Variants in CATSPERG observed in about 807,000 individuals in gnomAD.
The protein encoded by CATSPERG is cation channel sperm-associated auxiliary subunit gamma.
A neutral mutation model predicts 145.0 loss-of-function variants in CATSPERG; 115 were observed. The ratio of observed to expected loss-of-function variants is 0.79; its 90% confidence interval spans 0.68 to 0.93. The LOEUF (loss-of-function observed/expected upper bound fraction) is 0.93. Ranked by LOEUF, CATSPERG falls within the 40% of genes least tolerant of loss-of-function variation. The pLI is 0.00. For synonymous variants in CATSPERG, 588 were observed against 589.0 expected (o/e 1.00, Z 0.02); for missense variants, 1,296 against 1,490.1 (o/e 0.87, Z 2.14).
intron 8 of CATSPERG, among the ~76,000 whole-genome samples, chr19:38,354,352 C>T (rs1032405490): frequency 1.3e-5 from 2 of 152,224 alleles, no homozygotes; most frequent in African/African-American, 2.4e-5. Context: ...CAGGCCTCTA[C>T]GCAGCAACTG....
chr19:38,337,043 A>G (rs1969851546), intron 1 of CATSPERG, 178 bp from the exon 2 acceptor site: 3 of 712,878 alleles, frequency 4.2e-6, no homozygotes, highest in Non-Finnish European at 4.5e-6. Flanking sequence ...GTGCGGGGGC[A>G]GGGCCAGGAG....
In CATSPERG at chr19:38,356,441, AGGAG is replaced by A. The variant is rs1225152874; in HGVS notation, c.1136-38_1136-35del. 3 of 1,599,986 alleles carry A rather than the reference AGGAG, an allele frequency of 1.9e-6. No individual in the cohort carries two copies. The South Asian group carries it at 3.3e-5, about 18-fold the overall frequency. ...GAGTTGGCTTGATGGGCTGCCAGAC[AGGAG>A]GGAGAGGGCCTGAACATGAACCCGA... On this transcript the variant is annotated intron_variant, in intron 9 of 28. Coordinates refer to ENST00000409235, the MANE Select transcript of CATSPERG (RefSeq NM_021185.5).
rs995308919 is a variant in CATSPERG at position 38,367,184 on chromosome 19, G to A, written c.2642G>A (p.Gly881Asp). The A allele has an allele frequency of 6.2e-7, 1 of 1,613,492 alleles. No individual in the cohort carries two copies. Among genetic ancestry groups the A allele is most frequent in the South Asian group, 1.1e-5 (1 of 91,024 alleles). ...QGNLMVPVFI[G>D]CPPGKRLAFD... is the part of the protein sequence containing the mutation. The stretch of plus-strand genomic sequence containing the variant: ...AACCTGATGGTGCCAGTGTTCATTG[G>A]CTGCCCCCCAGGCAAGCGCCTGGCC... The change falls in exon 23 of 29, where the codon GGC becomes GAC. Residue 881 changes from glycine (G) to aspartate (D), a missense_variant. Transcript: ENST00000409235.
In CATSPERG at chr19:38,362,510, T is replaced by C; in HGVS notation, c.2292T>C (p.Thr764=). The change falls in exon 19 of 29, where the codon ACT becomes ACC. Residue 764 remains threonine (T), a synonymous_variant. Coordinates refer to ENST00000409235, the MANE Select transcript of CATSPERG (RefSeq NM_021185.5). Reference sequence around the variant, plus strand: ...AGCGCATTTTCCTGGACAAGGGCACTGAGTACAGCTTCGCCATCTTCCTGT... The same window carrying C: ...AGCGCATTTTCCTGGACAAGGGCACCGAGTACAGCTTCGCCATCTTCCTGT... ...LPERIFLDKG[T]EYSFAIFLSA... is the part of the protein sequence containing the mutation. 1 of 1,613,940 alleles carries C rather than the reference T, an allele frequency of 6.2e-7. No individual in the cohort carries two copies. Among genetic ancestry groups the C allele is most frequent in the Non-Finnish European group, 8.5e-7 (1 of 1,180,046 alleles).
chr19:38,343,192 A>G (rs1270129490), intron 3 of CATSPERG, among the ~76,000 whole-genome samples: 1 of 151,996 alleles, frequency 6.6e-6, no homozygotes, highest in East Asian at 1.9e-4. Context: ...TGGAACTGGG[A>G]ATCCCTGGAG....
intron 6 of CATSPERG, among the ~76,000 whole-genome samples, chr19:38,345,316 GC>G (rs1432649748): frequency 6.6e-6 from 1 of 151,910 alleles, no homozygotes; most frequent in African/African-American, 2.4e-5. Flanking sequence ...AGGCTGGAGT[GC>G]AGGGGAACGA....
chr19:38,361,387 T>A (rs1358745351), intron 16 of CATSPERG, among the ~76,000 whole-genome samples: 2 of 151,150 alleles, frequency 1.3e-5, no homozygotes, highest in African/African-American at 4.9e-5. Flanking sequence ...AAGCAGGAGA[T>A]GGAATAAAGA....
rs762550783 is a variant in CATSPERG at position 38,370,790 on chromosome 19, T to C, written c.3478T>C (p.Ter1160ArgextTer16). ...AGCCGTGGAGAGACAGTTGATGACC[T>C]GAGTGTCCCACCTGCCCCAGCCCCC... ...KEAVERQLMT* is the reference protein window; with the variant it reads ...KEAVERQLMTR Residue 1160 changes from the stop codon to arginine (R), a stop_lost, in exon 29 of 29, where the codon TGA becomes CGA. Transcript: ENST00000409235. 21 of 1,612,250 alleles carry C rather than the reference T, an allele frequency of 1.3e-5. No individual in the cohort carries two copies. Among genetic ancestry groups the C allele is most frequent in the Non-Finnish European group, 1.8e-5 (21 of 1,178,568 alleles).
chr19:38,367,765 C>T lies in CATSPERG; in HGVS notation c.2919C>T (p.Ser973=), dbSNP rs756433062. 1.2e-6 allele frequency: 2 copies of T among 1,613,744 alleles called. No homozygotes were observed. The highest frequency in any genetic ancestry group is 1.7e-5 in the Admixed American group (1 of 60,026). Residue 973 remains serine (S), a synonymous_variant, in exon 25 of 29, where the codon AGC becomes AGT. Coordinates refer to ENST00000409235, the MANE Select transcript of CATSPERG (RefSeq NM_021185.5). ...AGGACGAAATCTACCGCTTCAACAG[C>T]CCCCTGGACAAGTAATCCCCGTGGG... The part of the protein sequence containing the change: ...YSEDEIYRFN[S]PLDKTNSLIW...
At chr19:38,358,238 A>G in intron 11 of CATSPERG, 40 bp from the exon 12 acceptor site, 1 of 1,607,122 alleles carries the variant, frequency 6.2e-7, no homozygotes, top group Non-Finnish European at 8.5e-7. Context: ...TTGAAAGTGC[A>G]GGGCCTCAGG....
intron 11 of CATSPERG, chr19:38,357,952 GA>G (rs796672861): frequency 0.037 from 8,033 of 217,406 alleles, no homozygotes; most frequent in South Asian, 0.064. Context: ...ACTCCATCTC[GA>G]AAAAAAAAAA....
chr19:38,363,781 G>A (rs1970395862), intron 20 of CATSPERG, among the ~76,000 whole-genome samples: 1 of 152,092 alleles, frequency 6.6e-6, no homozygotes, highest in South Asian at 2.1e-4. Context: ...AGGGTTGGGG[G>A]TAAGGTCACA....
Position 38,362,256 on chromosome 19 carries a change from A to G in CATSPERG, c.2141A>G (p.Asn714Ser). ...VHDPTWRWWA[N>S]NKQDQDYYFF... ...GACCCCACCTGGCGCTGGTGGGCGA[A>G]CAACAAACAAGACCAGGTAGGCGGA... Residue 714 changes from asparagine (N) to serine (S), a missense_variant, in exon 18 of 29, where the codon AAC (asparagine) becomes AGC (serine). Physicochemically the swap from Asn to Ser is conservative, Grantham distance 46 (BLOSUM62 1). Coordinates refer to ENST00000409235, the MANE Select transcript of CATSPERG (RefSeq NM_021185.5). The G allele has an allele frequency of 6.2e-7, 1 of 1,612,952 alleles. No individual in the cohort carries two copies. The highest frequency in any genetic ancestry group is 8.5e-7 in the Non-Finnish European group (1 of 1,179,486).
chr19:38,367,587 A>T lies in CATSPERG; in HGVS notation c.2834+15A>T. On this transcript the variant is annotated intron_variant, in intron 24 of 28. Transcript: ENST00000409235. Reference sequence around the variant, plus strand: ...TTCCAGGGCAGGTAAAGGCGTGGCCAGCTTGCAGCTAGGGCAGGTGGAGGG... The same window carrying T: ...TTCCAGGGCAGGTAAAGGCGTGGCCTGCTTGCAGCTAGGGCAGGTGGAGGG... 6.2e-7 allele frequency: 1 copy of T among 1,613,930 alleles called. No individual in the cohort carries two copies. The highest frequency in any genetic ancestry group is 8.5e-7 in the Non-Finnish European group (1 of 1,179,836).
intron 20 of CATSPERG, among the ~76,000 whole-genome samples, chr19:38,363,736 C>T (rs550341582): frequency 1.3e-5 from 2 of 152,158 alleles, no homozygotes; most frequent in Admixed American, 1.3e-4. Context: ...ATCCATTTAA[C>T]CCTGAGTGGA....
intron 28 of CATSPERG, 131 bp downstream of exon 28, chr19:38,370,389 G>A (rs1344008374): frequency 2.1e-6 from 3 of 1,401,726 alleles, no homozygotes; most frequent in Non-Finnish European, 3.0e-6. Context: ...CGCCTGCCAT[G>A]CCACAGGCTG....
rs1476405787 is a variant in CATSPERG at position 38,367,052 on chromosome 19, G to A, written c.2614-104G>A. The stretch of plus-strand genomic sequence containing the variant: ...GGGGTGAGGGAGAGCCAGGCAGCTG[G>A]TGGTGGTGTTTGTGGGAGGGGGACT... On this transcript the variant is annotated intron_variant, in intron 22 of 28. Transcript: ENST00000409235. 12 of 1,051,010 alleles carry A rather than the reference G, an allele frequency of 1.1e-5. No homozygotes were observed. The South Asian group carries it at 1.8e-4, about 16-fold the overall frequency. 65.1% of individuals were successfully genotyped at this position (1,051,010 alleles called of 1,614,324 possible).
intron 3 of CATSPERG, among the ~76,000 whole-genome samples, chr19:38,338,888 A>G (rs1254506812): frequency 6.6e-6 from 1 of 151,984 alleles, no homozygotes; most frequent in Non-Finnish European, 1.5e-5. Flanking sequence ...TAATTAATTA[A>G]TTAATTTTTG....
At chr19:38,356,689 G>A in intron 10 of CATSPERG, 53 bp from the exon 11 acceptor site, 3 of 1,609,190 alleles carry the variant, frequency 1.9e-6, no homozygotes, top group Non-Finnish European at 2.5e-6. Flanking sequence ...GCTGGCACAG[G>A]ACCAAGGCTA....
Sources: allele counts gnomAD v4.1 joint callset (sites outside exome capture counted in the v4.1 genomes callset), GRCh38; gene constraint gnomAD v4.1.1; transcripts MANE v1.5; gene names NCBI Gene and HGNC (gene_info 2026-07-23, HGNC 2026-07-21).